Variants in TSPAN32 observed in about 807,000 individuals in gnomAD.
The protein encoded by TSPAN32 is tetraspanin-32.
In TSPAN32, 47 loss-of-function variants were observed where a neutral mutation model predicts 42.7. The ratio of observed to expected loss-of-function variants is 1.10; its 90% CI spans 0.87 to 1.40. The LOEUF is 1.40. TSPAN32 is among the 40% of genes most tolerant of loss of function. The probability of loss-of-function intolerance (pLI) is 0.00; values close to 1 mark genes in which losing one functional copy is unlikely to be tolerated. For synonymous variants in TSPAN32, 175 were observed against 175.9 expected, an observed-to-expected ratio of 0.99 and a Z score of 0.04; for missense variants, 469 against 424.1, an observed-to-expected ratio of 1.11 and a Z score of -0.93.
chr11:2,315,528 G>T, intron 6 of TSPAN32: 1 of 1,164,572 alleles, frequency 8.6e-7, no homozygotes, highest in South Asian at 1.7e-5. Context: ...AAAGCCTCCT[G>T]GGGAGCCGGA....
In TSPAN32 at chr11:2,304,204, G is replaced by A. The variant is rs763294199; in HGVS notation, c.279G>A (p.Gly93=). The change falls in exon 3 of 10, where the codon GGG becomes GGA. Residue 93 remains glycine (G), a splice_region_variant and synonymous_variant. Coordinates refer to ENST00000182290, the MANE Select transcript of TSPAN32 (RefSeq NM_139022.3). The surrounding 1 kb of genome is among the most constrained non-coding windows in gnomAD (Gnocchi z 4.8). ...TVREAQGLMA[G]GFLCFSLAFC... is the part of the protein sequence containing the mutation. The stretch of plus-strand genomic sequence containing the variant: ...GGGAGGCCCAGGGCCTCATGGCAGG[G>A]GTGAGTTCATTGTGTTCCCAGATGC... 7.0e-6 allele frequency: 11 copies of A among 1,564,162 alleles called. No individual in the cohort carries two copies. Among genetic ancestry groups the A allele is most frequent in the Non-Finnish European group, 9.5e-6 (11 of 1,156,086 alleles).
At chr11:2,315,750 G>A (rs1848748103) in intron 6 of TSPAN32, 9 of 1,244,820 alleles carry the variant, frequency 7.2e-6, no homozygotes, top group Admixed American at 5.1e-5. Flanking sequence ...ATGCCCTGGG[G>A]TGGCACTGGA....
chr11:2,315,794 C>T (rs1848750532), intron 6 of TSPAN32: 26 of 1,306,840 alleles, frequency 2.0e-5, no homozygotes, highest in Middle Eastern at 5.8e-4. Flanking sequence ...TGGGACTGTG[C>T]GGGGACCCCC....
At chr11:2,302,305 C>A (rs12792658) in intron 1 of TSPAN32, 90 bp downstream of exon 1, 5 of 1,249,750 alleles carry the variant, frequency 4.0e-6, no homozygotes, top group South Asian at 2.5e-5. Context: ...TTATCCCTCC[C>A]CTGACACACA....
At chr11:2,309,256 G>A (rs1462519021) in intron 4 of TSPAN32, 25 of 445,854 alleles carry the variant, frequency 5.6e-5, no homozygotes, top group Non-Finnish European at 1.0e-4. Context: ...GACGGTACCA[G>A]TGGGGAAGGG....
chr11:2,303,140 TG>T, intron 2 of TSPAN32, 182 bp downstream of exon 2: 2 of 588,200 alleles, frequency 3.4e-6, no homozygotes, highest in Admixed American at 6.1e-5. Flanking sequence ...GCCTCGGGTC[TG>T]GGTGACAGCC....
At chr11:2,311,439 T>C (rs2133343847) in intron 4 of TSPAN32, among the ~76,000 whole-genome samples, 1 of 152,128 alleles carries the variant, frequency 6.6e-6, no homozygotes, top group South Asian at 2.1e-4. Context: ...CCCTGACGAG[T>C]CTGCTTCGGG....
intron 2 of TSPAN32, chr11:2,303,297 G>A (rs1847874171): frequency 4.3e-6 from 1 of 231,850 alleles, no homozygotes; most frequent in South Asian, 5.4e-5. Context: ...GGACTGGCCT[G>A]GGGCTGGGCA....
chr11:2,315,496 G>A, intron 6 of TSPAN32: 2 of 1,152,908 alleles, frequency 1.7e-6, no homozygotes, highest in East Asian at 6.4e-5. Context: ...CCTTGGGATG[G>A]CAGGGCCATG....
In TSPAN32 at chr11:2,310,436, C is replaced by A. The variant is rs527511914; in HGVS notation, c.354+1626C>A. Among the ~76,000 whole-genome samples the A allele has an allele frequency of 4.6e-5, 7 of 152,158 alleles. No homozygotes were observed. The South Asian group carries it at 1.2e-3, about 27-fold the overall frequency. On this transcript the variant is annotated intron_variant, in intron 4 of 9. Coordinates refer to ENST00000182290, the MANE Select transcript of TSPAN32 (RefSeq NM_139022.3). ...ACACATGGTCCTTGTCTGGCCCGTG[C>A]GCCCAGCTGCCCTTCAGGGGTCAGT...
intron 3 of TSPAN32, among the ~76,000 whole-genome samples, chr11:2,307,621 T>C (rs1220885615): frequency 6.6e-6 from 1 of 152,094 alleles, no homozygotes; most frequent in African/African-American, 2.4e-5. Flanking sequence ...GGGGCATCTG[T>C]ATGCTCTCAG....
rs1050806654 is a variant in TSPAN32 at position 2,302,957 on chromosome 11, G to C, written c.180G>C (p.Trp60Cys). ...ACCCGTACCAGGCTGTGCACCAATG[G>C]GGTAAGTGAGGTCCAGGCCTGGCTG... ...EKNPYQAVHQWAFSAGLSLVG... is the reference protein window; with the variant it reads ...EKNPYQAVHQCAFSAGLSLVG... The change falls in exon 2 of 10, where the codon TGG becomes TGC. Residue 60 changes from tryptophan to cysteine, a missense_variant and splice_region_variant. Physicochemically the swap from Trp to Cys is radical, Grantham distance 215. Transcript: ENST00000182290. 1.9e-6 allele frequency: 3 copies of C among 1,612,876 alleles called. No homozygotes were observed. Among genetic ancestry groups the C allele is most frequent in the African/African-American group, 1.3e-5 (1 of 75,048 alleles).
Position 2,317,867 on chromosome 11 carries a change from C to A in TSPAN32, c.906C>A (p.Leu302=). ...TGCCCATTTATGATCTCGCAGCTCT[C>A]CAGGGCAGAAGTCGCGGTGGGCTCA... is the stretch of plus-strand genomic sequence containing the variant. ...LSCHLAAHRA[L]QGRSRGGLSG... The change falls in exon 10 of 10, where the codon CTC becomes CTA. Residue 302 remains leucine (L), a synonymous_variant. Coordinates refer to ENST00000182290, the MANE Select transcript of TSPAN32 (RefSeq NM_139022.3). The surrounding 1 kb of genome is among the most constrained non-coding windows in gnomAD (Gnocchi z 6.2). 1 of 1,559,988 alleles carries A rather than the reference C, an allele frequency of 6.4e-7. No individual in the cohort carries two copies. Among genetic ancestry groups the A allele is most frequent in the Non-Finnish European group, 8.8e-7 (1 of 1,131,024 alleles).
chr11:2,310,807 G>T (rs808963), intron 4 of TSPAN32, among the ~76,000 whole-genome samples: 2 of 152,072 alleles, frequency 1.3e-5, no homozygotes, highest in African/African-American at 2.4e-5. Context: ...CCTCCAGGAC[G>T]TGGGACTTGC....
At chr11:2,305,861 G>A (rs1331358175) in intron 3 of TSPAN32, among the ~76,000 whole-genome samples, 1 of 152,246 alleles carries the variant, frequency 6.6e-6, no homozygotes, top group Non-Finnish European at 1.5e-5. Context: ...GACCCAGCCT[G>A]GATGGTGAGC....
In TSPAN32 at chr11:2,313,518, A is replaced by C. The variant is rs1463662417; in HGVS notation, c.355-136A>C. 1 of 658,730 alleles carries C rather than the reference A, an allele frequency of 1.5e-6. No individual in the cohort carries two copies. Among genetic ancestry groups the C allele is most frequent in the South Asian group, 1.9e-5 (1 of 51,392 alleles). 40.8% of individuals were successfully genotyped at this position (658,730 alleles called of 1,614,324 possible). Reference sequence around the variant, plus strand: ...CCCAGGTTCCGCTTTGGGGAGATCCACCTGCTACAAGGAGGGCAGTGCTGG... The same window carrying C: ...CCCAGGTTCCGCTTTGGGGAGATCCCCCTGCTACAAGGAGGGCAGTGCTGG... On this transcript the variant is annotated intron_variant, in intron 4 of 9. Coordinates refer to ENST00000182290, the MANE Select transcript of TSPAN32 (RefSeq NM_139022.3). The surrounding 1 kb of genome is among the most constrained non-coding windows in gnomAD (Gnocchi z 9.1).
chr11:2,312,687 AC>A (rs1848532767), intron 4 of TSPAN32, among the ~76,000 whole-genome samples: 1 of 152,028 alleles, frequency 6.6e-6, no homozygotes. Context: ...GCCGTAAGCC[AC>A]CCTTCCTTTC....
intron 6 of TSPAN32, 46 bp from the exon 7 acceptor site, chr11:2,316,183 G>C: frequency 6.6e-7 from 1 of 1,515,440 alleles, no homozygotes; most frequent in Non-Finnish European, 8.9e-7. Context: ...TGTCCAGGCA[G>C]GGAGGGCCGC....
chr11:2,314,530 A>G lies in TSPAN32; in HGVS notation c.502A>G (p.Thr168Ala). The change falls in exon 6 of 10, where the codon ACA becomes GCA. Residue 168 changes from threonine to alanine, a missense_variant. Transcript: ENST00000182290. The part of the protein sequence containing the change: ...KKSPFSRLGS[T>A]EADLCQGEEA... ...GTCTCCTTTCAGCCGTCTGGGGAGCACAGAGGCTGACCTGTGTCAGGGAGA... is the reference window on the plus strand; with the variant it reads ...GTCTCCTTTCAGCCGTCTGGGGAGCGCAGAGGCTGACCTGTGTCAGGGAGA... The G allele has an allele frequency of 6.2e-7, 1 of 1,612,448 alleles. No homozygotes were observed. The highest frequency in any genetic ancestry group is 1.3e-5 in the African/African-American group (1 of 75,020).
Sources: gnomAD v4.1 joint callset for allele counts (sites outside exome capture counted in the v4.1 genomes callset) on GRCh38, gnomAD v4.1.1 for gene constraint, Gnocchi (gnomAD v3.1) non-coding constraint, MANE v1.5 for transcripts, NCBI Gene and HGNC (gene_info 2026-07-23, HGNC 2026-07-21) for gene names.